The following APBB1 variants were observed in gnomAD, a reference collection of about 807,000 sequenced individuals.
APBB1 encodes the protein amyloid beta precursor protein binding family B member 1.
A neutral mutation model predicts 78.4 loss-of-function variants in APBB1; 22 were observed. The ratio of observed to expected loss-of-function variants is 0.28; its 90% confidence interval spans 0.20 to 0.40. The LOEUF is 0.40. Ranked by LOEUF, APBB1 falls within the 10% of genes least tolerant of loss-of-function variation. The pLI is 1.00. For missense variants in APBB1, 749 were observed against 932.4 expected (o/e 0.80, Z 2.56); for synonymous variants, 369 against 372.7 (o/e 0.99, Z 0.12).
At chr11:6,417,028 G>A (rs1849136442) in intron 1 of APBB1, among the ~76,000 whole-genome samples, 1 of 152,212 alleles carries the variant, frequency 6.6e-6, no homozygotes, top group African/African-American at 2.4e-5. Context: ...ACAGGCGTGA[G>A]CCATCACGCC....
intron 12 of APBB1, chr11:6,396,519 C>G: frequency 5.6e-6 from 2 of 357,686 alleles, no homozygotes; most frequent in Admixed American, 9.6e-5. Context: ...TTCCCCAAAT[C>G]ATGCTCTCTC....
In APBB1 at chr11:6,403,692, G is replaced by A; in HGVS notation, c.852C>T (p.Gly284=). The change falls in exon 3 of 15, where the codon GGC becomes GGT. Residue 284 remains glycine (G), a synonymous_variant. Coordinates refer to ENST00000609360, the MANE Select transcript of APBB1 (RefSeq NM_001164.5). This position sits in a 1 kb window ranked among gnomAD's most constrained non-coding sequence, Gnocchi z 5.3. ...PTGTTQWEPP[G]RASPSQGSSP... ...TGCTCCCCTGTGAGGGGGAGGCCCG[G>A]CCGGGGGGTTCCCACTGGGTGGTCC... 3.1e-6 allele frequency: 5 copies of A among 1,608,894 alleles called. No homozygotes were observed. Among genetic ancestry groups the A allele is most frequent in the Non-Finnish European group, 4.2e-6 (5 of 1,176,742 alleles).
rs536774681 is a variant in APBB1 at position 6,405,160 on chromosome 11, A to G, written c.722-1338T>C. On this transcript the variant is annotated intron_variant, in intron 2 of 14. Transcript: ENST00000609360. ...CAGTGCCTAAGCCAAGCCCAGTCTT[A>G]GGGATACCAGGAGACTCAGCCCCTA... 3.4e-5 allele frequency: 40 copies of G among 1,193,120 alleles called. No individual in the cohort carries two copies. In the East Asian group the frequency reaches 1.2e-3, roughly 36 times the overall value. 73.9% of individuals were successfully genotyped at this position (1,193,120 alleles called of 1,614,324 possible).
Position 6,395,489 on chromosome 11 carries a change from C to T in APBB1, c.*45G>A, listed in dbSNP as rs199542519. 78 of 1,498,054 alleles carry T rather than the reference C, an allele frequency of 5.2e-5. 1 individual carries two copies. Among genetic ancestry groups the T allele is most frequent in the African/African-American group, 2.8e-4 (20 of 71,808 alleles). 92.8% of individuals were successfully genotyped at this position (1,498,054 alleles called of 1,614,324 possible). A position where few individuals can be genotyped will look rare whatever the true frequency, so the allele number is the denominator to read the frequency against. On this transcript the variant is annotated 3_prime_UTR_variant, in exon 15 of 15. Transcript: ENST00000609360. This position sits in a 1 kb window ranked among gnomAD's most constrained non-coding sequence, Gnocchi z 5.2. ...CCTCCCTGACCCACACCCTTTAGTTCCCTGGGGCCCAACACAAGCAGGTGG... is the reference window on the plus strand; with the variant it reads ...CCTCCCTGACCCACACCCTTTAGTTTCCTGGGGCCCAACACAAGCAGGTGG...
chr11:6,396,222 C>T lies in APBB1; in HGVS notation c.1673-7G>A, dbSNP rs1848212600. ...CCATTAATCACATCTACCCCTAGAA[C>T]ATATGGACACAAGATACCACTGAGG... On this transcript the variant is annotated splice_polypyrimidine_tract_variant and splice_region_variant and intron_variant, in intron 12 of 14. Coordinates refer to ENST00000609360, the MANE Select transcript of APBB1 (RefSeq NM_001164.5). 1 of 1,549,266 alleles carries T rather than the reference C, an allele frequency of 6.5e-7. No homozygotes were observed. The highest frequency in any genetic ancestry group is 8.7e-7 in the Non-Finnish European group (1 of 1,145,468).
intron 1 of APBB1, among the ~76,000 whole-genome samples, chr11:6,414,108 C>T (rs75186551): frequency 0.02 from 2,986 of 152,090 alleles, 101 homozygotes; most frequent in African/African-American, 0.068. Context: ...AAGCCGGCCT[C>T]TATAACCTGT....
rs148981748 is a variant in APBB1, at chr11:6,401,957, G to C, written c.1388+20C>G. 87 of 1,556,146 alleles carry C rather than the reference G, an allele frequency of 5.6e-5. No homozygotes were observed. The African/African-American group carries it at 1.1e-3, about 19-fold the overall frequency. Reference sequence around the variant, plus strand: ...CAGGCATCTGGTCCAGGTGTAGGAGGGGGAAAATAGGCATAGTACCTCTCT... The same window carrying C: ...CAGGCATCTGGTCCAGGTGTAGGAGCGGGAAAATAGGCATAGTACCTCTCT... On this transcript the variant is annotated intron_variant, in intron 9 of 14. Coordinates refer to ENST00000609360, the MANE Select transcript of APBB1 (RefSeq NM_001164.5). The surrounding 1 kb of genome is among the most constrained non-coding windows in gnomAD (Gnocchi z 4.5).
At chr11:6,405,668 G>A in intron 2 of APBB1, 1 of 985,752 alleles carries the variant, frequency 1.0e-6, no homozygotes, top group Non-Finnish European at 1.2e-6. Flanking sequence ...AAATGACGTG[G>A]GCCCACAGAC....
At chr11:6,406,924 G>GA in intron 2 of APBB1, among the ~76,000 whole-genome samples, 1 of 152,320 alleles carries the variant, frequency 6.6e-6, no homozygotes, top group East Asian at 1.9e-4. Flanking sequence ...CAGGAGGTAA[G>GA]AACATCTTTG....
At chr11:6,414,960 G>A (rs1271268534) in intron 1 of APBB1, among the ~76,000 whole-genome samples, 1 of 152,176 alleles carries the variant, frequency 6.6e-6, no homozygotes, top group Admixed American at 6.5e-5. Flanking sequence ...ACAGTGAAGA[G>A]CCAAGTTGAC....
intron 2 of APBB1, among the ~76,000 whole-genome samples, chr11:6,407,558 G>A (rs1294399896): frequency 1.3e-5 from 2 of 152,170 alleles, no homozygotes; most frequent in African/African-American, 2.4e-5. Context: ...TGTTGTTAAC[G>A]TTTAGAAATT....
At position 6,403,041 on chromosome 11, in the gene APBB1, AG is replaced by A. The variant is rs1166794258; in HGVS notation, c.1104+103del. On this transcript the variant is annotated intron_variant, in intron 6 of 14. Coordinates refer to ENST00000609360, the MANE Select transcript of APBB1 (RefSeq NM_001164.5). This position sits in a 1 kb window ranked among gnomAD's most constrained non-coding sequence, Gnocchi z 5.3. ...CTGAGACTGGAAGAACTCCTAACTCAGGACCTGGGGAACTGCGCTGAGACCC... is the reference window on the plus strand; with the variant it reads ...CTGAGACTGGAAGAACTCCTAACTCAGACCTGGGGAACTGCGCTGAGACCC... The A allele has an allele frequency of 2.7e-5, 31 of 1,140,232 alleles. No individual in the cohort carries two copies. The highest frequency in any genetic ancestry group is 6.3e-6 in the Non-Finnish European group (5 of 792,896). 70.6% of individuals were successfully genotyped at this position (1,140,232 alleles called of 1,614,324 possible).
upstream of APBB1, chr11:6,419,205 T>C (rs910088941): frequency 3.2e-6 from 1 of 310,946 alleles, no homozygotes; most frequent in Non-Finnish European, 5.9e-6. Context: ...CCGCAGCTTC[T>C]TGGGGGCCTC....
At chr11:6,416,748 T>TG (rs1359442483) in intron 1 of APBB1, among the ~76,000 whole-genome samples, 1 of 150,888 alleles carries the variant, frequency 6.6e-6, no homozygotes, top group African/African-American at 2.4e-5. Flanking sequence ...AAATTCCCTT[T>TG]TTTTTTTTTT....
upstream of APBB1, chr11:6,419,442 C>A (rs1206058723): frequency 1.2e-5 from 2 of 161,006 alleles, no homozygotes; most frequent in Non-Finnish European, 2.7e-5. Flanking sequence ...GCGCCGCGGC[C>A]GCGCGGGGAA....
Position 6,395,665 on chromosome 11 carries a change from C to T in APBB1, c.2002G>A (p.Ala668Thr). Residue 668 changes from alanine to threonine, a missense_variant, in exon 15 of 15, where the codon GCC becomes ACC. Around this residue, in one of 3 missense-constraint regions of APBB1, gnomAD observed 96 missense variants for 116.0 expected, o/e 0.83. Transcript: ENST00000609360. The surrounding 1 kb of genome is among the most constrained non-coding windows in gnomAD (Gnocchi z 5.2). ...YQKCLDARSQ[A>T]STSCLPAPPA... ...GGTGCTGGGAGGCAGGAGGTGGAGG[C>T]CTGGGAACGGGCATCCAGACACTTC... The T allele has an allele frequency of 6.3e-7, 1 of 1,591,190 alleles. No homozygotes were observed. The highest frequency in any genetic ancestry group is 8.6e-7 in the Non-Finnish European group (1 of 1,167,638).
At position 6,401,811 on chromosome 11, in the gene APBB1, C is replaced by G; in HGVS notation, c.1389-123G>C. 1 of 1,431,906 alleles carries G rather than the reference C, an allele frequency of 7.0e-7. No homozygotes were observed. The highest frequency in any genetic ancestry group is 9.7e-7 in the Non-Finnish European group (1 of 1,029,514). 88.7% of individuals were successfully genotyped at this position (1,431,906 alleles called of 1,614,324 possible). A position where few individuals can be genotyped will look rare whatever the true frequency, so the allele number is the denominator to read the frequency against. On this transcript the variant is annotated intron_variant, in intron 9 of 14. Transcript: ENST00000609360. This position sits in a 1 kb window ranked among gnomAD's most constrained non-coding sequence, Gnocchi z 4.5. ...CAGGGCTTCTGCCCACAGCTGGTCC[C>G]CCATAGGTGCTGCCTTCTTGGGGGG...
chr11:6,411,309 A>C lies in APBB1; in HGVS notation c.39T>G (p.Asn13Lys). 1 of 1,557,364 alleles carries C rather than the reference A, an allele frequency of 6.4e-7. No individual in the cohort carries two copies. Among genetic ancestry groups the C allele is most frequent in the South Asian group, 1.2e-5 (1 of 81,644 alleles). Residue 13 changes from asparagine (N) to lysine (K), a missense_variant, in exon 2 of 15, where the codon AAT becomes AAG. By Grantham distance (94) the Asn-to-Lys change is moderately conservative (BLOSUM62 0). Transcript: ENST00000609360. The surrounding 1 kb of genome is among the most constrained non-coding windows in gnomAD (Gnocchi z 5.2). ...GTGCGGGGCCTCCGTGGCTGTTGGC[A>C]TTAATGGCCGACTGGCTCAGTGATG... ...VPSSLSQSAI[N>K]ANSHGGPALS...
chr11:6,410,238 C>T (rs2634192), intron 2 of APBB1, among the ~76,000 whole-genome samples: 281 of 152,222 alleles, frequency 1.8e-3, no homozygotes, highest in African/African-American at 6.6e-3. Flanking sequence ...TCTGTGGTCT[C>T]GAGAAAGCTA....
Sources: allele counts gnomAD v4.1 joint callset (sites outside exome capture counted in the v4.1 genomes callset), GRCh38; gene constraint gnomAD v4.1.1; regional missense constraint gnomAD v4.1.1; non-coding constraint Gnocchi (gnomAD v3.1); transcripts MANE v1.5; gene names NCBI Gene and HGNC (gene_info 2026-07-23, HGNC 2026-07-21).